HOOK3: variants seen among roughly 807,000 people sequenced by gnomAD.
HOOK3 encodes the protein protein Hook homolog 3.
A neutral mutation model predicts 116.3 loss-of-function variants in HOOK3; 24 were observed. The ratio of observed to expected loss-of-function variants is 0.21; its 90% CI spans 0.15 to 0.29. HOOK3 has a LOEUF of 0.29. Ranked by LOEUF, HOOK3 falls within the 10% of genes least tolerant of loss-of-function variation. The pLI, the probability that HOOK3 is intolerant of heterozygous loss-of-function variation, is 1.00. For missense variants in HOOK3, 632 were observed against 830.2 expected, an observed-to-expected ratio of 0.76 and a Z score of 2.93; for synonymous variants, 275 against 283.0, an observed-to-expected ratio of 0.97 and a Z score of 0.28.
At chr8:42,968,863 A>G (rs916435910) in intron 11 of HOOK3, among the ~76,000 whole-genome samples, 6 of 152,144 alleles carry the variant, frequency 3.9e-5, no homozygotes, top group African/African-American at 1.2e-4. Context: ...TTTCATTCCC[A>G]TTCGTCTCTC....
At chr8:42,901,686 T>C (rs1807192363) in intron 1 of HOOK3, among the ~76,000 whole-genome samples, 1 of 152,224 alleles carries the variant, frequency 6.6e-6, no homozygotes. Context: ...AAAATTTAGC[T>C]TCCCTAAATC....
chr8:42,987,654 G>A (rs1383182506), intron 15 of HOOK3, among the ~76,000 whole-genome samples: 1 of 152,120 alleles, frequency 6.6e-6, no homozygotes, highest in Non-Finnish European at 1.5e-5. Context: ...AAATTAACAG[G>A]AAAATCACTT....
chr8:42,943,537 G>A, intron 5 of HOOK3, 92 bp downstream of exon 5: 1 of 829,632 alleles, frequency 1.2e-6, no homozygotes, highest in Non-Finnish European at 1.7e-6. Flanking sequence ...AGTACCAACA[G>A]TAACATCTGT....
At chr8:42,944,444 T>C (rs137929540) in intron 5 of HOOK3, among the ~76,000 whole-genome samples, 1 of 152,140 alleles carries the variant, frequency 6.6e-6, no homozygotes, top group Non-Finnish European at 1.5e-5. Flanking sequence ...CACAGGATAT[T>C]TTGTAGTAAC....
intron 12 of HOOK3, among the ~76,000 whole-genome samples, chr8:42,973,681 T>C (rs1808767250): frequency 6.6e-6 from 1 of 152,218 alleles, no homozygotes; most frequent in East Asian, 1.9e-4. Context: ...TTCTATAAGT[T>C]TGTGTAGCTT....
intron 2 of HOOK3, 123 bp from the exon 3 acceptor site, chr8:42,925,434 C>A: frequency 1.6e-6 from 1 of 640,930 alleles, no homozygotes; most frequent in Non-Finnish European, 2.7e-6. Flanking sequence ...TATTTCGTGG[C>A]TGATATGTGT....
intron 17 of HOOK3, among the ~76,000 whole-genome samples, chr8:43,006,312 G>A (rs533725281): frequency 2.9e-5 from 4 of 138,748 alleles, no homozygotes; most frequent in African/African-American, 5.4e-5. Flanking sequence ...TAGCCACTGC[G>A]CCCAGCCTAT....
intron 15 of HOOK3, chr8:42,994,489 T>C (rs1167252050): frequency 1.6e-5 from 6 of 375,576 alleles, no homozygotes; most frequent in Non-Finnish European, 3.2e-5. Flanking sequence ...TCCCATAGAT[T>C]TCGGTATGTT....
At chr8:42,976,118 T>A (rs1021616248) in intron 13 of HOOK3, among the ~76,000 whole-genome samples, 3 of 152,084 alleles carry the variant, frequency 2.0e-5, no homozygotes, top group Non-Finnish European at 4.4e-5. Context: ...GATTTAAGTC[T>A]AATTCCTACT....
chr8:42,935,075 A>G (rs1023602070), intron 4 of HOOK3, among the ~76,000 whole-genome samples: 1 of 152,124 alleles, frequency 6.6e-6, no homozygotes, highest in Non-Finnish European at 1.5e-5. Context: ...CTTTTTAATG[A>G]TCGCCATTCT....
intron 3 of HOOK3, among the ~76,000 whole-genome samples, chr8:42,927,087 T>C (rs1483371885): frequency 6.6e-6 from 1 of 152,194 alleles, no homozygotes; most frequent in Non-Finnish European, 1.5e-5. Flanking sequence ...GCGAGGCCCC[T>C]GAACTTAAGA....
intron 4 of HOOK3, among the ~76,000 whole-genome samples, chr8:42,940,087 C>A (rs1023913846): frequency 6.6e-6 from 1 of 152,162 alleles, no homozygotes; most frequent in Admixed American, 6.5e-5. Context: ...GGGCGGCGGC[C>A]GGGCAGAGGC....
At chr8:42,964,897 T>C (rs933749439) in intron 9 of HOOK3, among the ~76,000 whole-genome samples, 3 of 151,716 alleles carry the variant, frequency 2.0e-5, no homozygotes, top group Non-Finnish European at 2.9e-5. Flanking sequence ...AGGCTCCAAA[T>C]AAACAACTCA....
At chr8:42,970,805 T>TTTTTTTTTTTTTTTGGG (rs1808713991) in intron 11 of HOOK3, among the ~76,000 whole-genome samples, 2 of 145,416 alleles carry the variant, frequency 1.4e-5, no homozygotes, top group African/African-American at 5.1e-5. Flanking sequence ...TTTTTTTTTC[T>TTTTTTTTTTTTTTTGGG]GAGACAGGGT....
rs755468382 is a variant in HOOK3, at chr8:42,973,280, CT to C, written c.1123-8del. On this transcript the variant is annotated splice_polypyrimidine_tract_variant and splice_region_variant and intron_variant, in intron 11 of 21. Transcript: ENST00000307602. ...ATTATGTATAAGTAATGGTATCTTT[CT>C]GTATCAGGTAGTAGAACTACAAAAC... The C allele has an allele frequency of 6.3e-7, 1 of 1,596,988 alleles. No homozygotes were observed. The highest frequency in any genetic ancestry group is 8.5e-7 in the Non-Finnish European group (1 of 1,174,492).
At chr8:42,966,151 A>G (rs1207055087) in intron 9 of HOOK3, among the ~76,000 whole-genome samples, 1 of 152,156 alleles carries the variant, frequency 6.6e-6, no homozygotes, top group Non-Finnish European at 1.5e-5. Flanking sequence ...TATTACTGTA[A>G]TCCACTGTGC....
intron 5 of HOOK3, 113 bp from the exon 6 acceptor site, chr8:42,950,275 G>A (rs1396951945): frequency 1.7e-5 from 12 of 694,516 alleles, no homozygotes; most frequent in Non-Finnish European, 2.8e-5. Flanking sequence ...GGGATTCCTA[G>A]GAGGAATCAA....
intron 4 of HOOK3, among the ~76,000 whole-genome samples, chr8:42,941,268 C>A (rs1021553881): frequency 2.0e-5 from 3 of 149,552 alleles, no homozygotes; most frequent in Non-Finnish European, 3.0e-5. Flanking sequence ...GTAATCCCAG[C>A]ACTTTGGGAG....
In HOOK3 at chr8:43,025,410, A is replaced by C. The variant is rs935732399; in HGVS notation, c.*6912A>C. 3.7e-5 allele frequency: 8 copies of C among 214,496 alleles called. No homozygotes were observed. The highest frequency in any genetic ancestry group is 6.6e-5 in the Non-Finnish European group (7 of 106,314). 13.3% of individuals were successfully genotyped at this position (214,496 alleles called of 1,614,324 possible). ...ATAAGAAATAGCCTAATTATAAACAAATATGCAGGCAGAGGGAAGTCCTAA... is the reference window on the plus strand; with the variant it reads ...ATAAGAAATAGCCTAATTATAAACACATATGCAGGCAGAGGGAAGTCCTAA... On this transcript the variant is annotated 3_prime_UTR_variant, in exon 22 of 22. Coordinates refer to ENST00000307602, the MANE Select transcript of HOOK3 (RefSeq NM_032410.4).
Sources: allele counts gnomAD v4.1 joint callset (sites outside exome capture counted in the v4.1 genomes callset), GRCh38; gene constraint gnomAD v4.1.1; transcripts MANE v1.5; gene names NCBI Gene and HGNC (gene_info 2026-07-23, HGNC 2026-07-21).